The following EFL1 variants were observed in gnomAD, a reference collection of about 807,000 sequenced individuals.
EFL1 encodes elongation factor like GTPase 1, also known as elongation factor-like GTPase 1.
A neutral mutation model predicts 126.7 loss-of-function variants in EFL1; 76 were observed. The ratio of observed to expected loss-of-function variants is 0.60; its 90% CI spans 0.50 to 0.73. The LOEUF (loss-of-function observed/expected upper bound fraction) is 0.73, where lower values mean the gene tolerates loss of function less well. EFL1 is among the 30% of genes least tolerant of loss of function. EFL1 has a pLI of 0.00. For synonymous variants in EFL1, 410 were observed against 448.4 expected (o/e 0.91, Z 1.08); for missense variants, 1,128 against 1,343.2 (o/e 0.84, Z 2.50).
chr15:82,180,370 A>C (rs199931224), intron 15 of EFL1, among the ~76,000 whole-genome samples: 6 of 102,762 alleles, frequency 5.8e-5, no homozygotes, highest in African/African-American at 3.6e-4. Context: ...AAAAAAAAAA[A>C]AACAAAAAAA....
chr15:82,140,679 T>C (rs1293868975), intron 18 of EFL1, among the ~76,000 whole-genome samples: 1 of 152,224 alleles, frequency 6.6e-6, no homozygotes, highest in Non-Finnish European at 1.5e-5. Flanking sequence ...ATCTCTGCTG[T>C]GGAAGCCAAC....
At chr15:82,250,146 A>G (rs2075008304) in intron 4 of EFL1, among the ~76,000 whole-genome samples, 1 of 146,290 alleles carries the variant, frequency 6.8e-6, no homozygotes, top group Non-Finnish European at 1.5e-5. Context: ...TCCCACCTTC[A>G]GAACAGGAAA....
At chr15:82,178,212 G>A (rs982968422) in intron 15 of EFL1, among the ~76,000 whole-genome samples, 6 of 152,200 alleles carry the variant, frequency 3.9e-5, no homozygotes, top group Admixed American at 6.5e-5. Flanking sequence ...ACAGACTAAT[G>A]TAAACAATTT....
intron 15 of EFL1, among the ~76,000 whole-genome samples, chr15:82,213,451 ACCTCAAT>A (rs1207447451): frequency 6.6e-6 from 1 of 152,202 alleles, no homozygotes; most frequent in Non-Finnish European, 1.5e-5. Flanking sequence ...ACACCACTTA[ACCTCAAT>A]CCTGGAAGGC....
chr15:82,143,007 C>A (rs1199713865), intron 18 of EFL1, among the ~76,000 whole-genome samples: 1 of 152,100 alleles, frequency 6.6e-6, no homozygotes, highest in Non-Finnish European at 1.5e-5. Context: ...TTTTCTTCTT[C>A]CATAATATTA....
chr15:82,172,510 G>GA (rs1370275667), intron 15 of EFL1, among the ~76,000 whole-genome samples: 2 of 152,190 alleles, frequency 1.3e-5, no homozygotes, highest in Non-Finnish European at 2.9e-5. Context: ...TCCCGTACAA[G>GA]AATTACCCTC....
Position 82,227,549 on chromosome 15 carries a change from TAGG to T in EFL1, c.1090_1092del (p.Pro364del). ...CTCTCAGCTGTAATATCAAGGGGAC[TAGG>T]AAGTTTCTGACACACCATAGCTGAA... On this transcript the variant is annotated inframe_deletion, in exon 11 of 20. Transcript: ENST00000268206. 1 of 1,614,152 alleles carries T rather than the reference TAGG, an allele frequency of 6.2e-7. No individual in the cohort carries two copies. The highest frequency in any genetic ancestry group is 2.2e-5 in the East Asian group (1 of 44,882).
rs115071328 is a variant in EFL1, at chr15:82,238,121, A to G, written c.731+186T>C. 6.5e-3 allele frequency among the ~76,000 whole-genome samples: 983 copies of G among 152,278 alleles called. 10 individuals are homozygous for G. Among genetic ancestry groups the G allele is most frequent in the African/African-American group, 0.022 (919 of 41,556 alleles). On this transcript the variant is annotated intron_variant, in intron 7 of 19. Coordinates refer to ENST00000268206, the MANE Select transcript of EFL1 (RefSeq NM_024580.6). Reference sequence around the variant, plus strand: ...CAAAGTCCTGCTTGGTTATTGTACTACAGTTCTACAAGATGTTATCATGGA... The same window carrying G: ...CAAAGTCCTGCTTGGTTATTGTACTGCAGTTCTACAAGATGTTATCATGGA...
At chr15:82,132,271 G>A (rs117907367) in intron 19 of EFL1, among the ~76,000 whole-genome samples, 1 of 152,320 alleles carries the variant, frequency 6.6e-6, no homozygotes, top group Non-Finnish European at 1.5e-5. Flanking sequence ...GCCAGATCTA[G>A]AGAAGAACAT....
chr15:82,188,294 T>C (rs1390241373), intron 15 of EFL1, among the ~76,000 whole-genome samples: 1 of 152,196 alleles, frequency 6.6e-6, no homozygotes, highest in Non-Finnish European at 1.5e-5. Context: ...GTTAAGTTCC[T>C]TCACATTTAC....
Position 82,238,343 on chromosome 15 carries a change from A to T in EFL1, c.695T>A (p.Val232Glu). 2 of 1,614,192 alleles carry T rather than the reference A, an allele frequency of 1.2e-6. No homozygotes were observed. Among genetic ancestry groups the T allele is most frequent in the Non-Finnish European group, 1.7e-6 (2 of 1,180,014 alleles). Residue 232 changes from valine to glutamate, a missense_variant, in exon 7 of 20, where the codon GTG becomes GAG. This residue lies in a region of EFL1 where 316 missense variants were observed against 318.5 expected (regional missense o/e 0.99). Transcript: ENST00000268206. ...HLYFSPEQGN[V>E]VFTSAIDGWG... ...CCCATCTATTGCACTGGTAAACACCACATTTCCCTGTTCTGGAGAGAAGTA... is the reference window on the plus strand; with the variant it reads ...CCCATCTATTGCACTGGTAAACACCTCATTTCCCTGTTCTGGAGAGAAGTA...
intron 15 of EFL1, among the ~76,000 whole-genome samples, chr15:82,184,523 G>A (rs527599025): frequency 3.0e-4 from 45 of 152,292 alleles, no homozygotes; most frequent in Middle Eastern, 6.8e-3. Context: ...TTCTACTACC[G>A]CATAAGTCAC....
At chr15:82,174,288 G>A (rs1362992580) in intron 15 of EFL1, 4 of 152,070 alleles carry the variant, frequency 2.6e-5, no homozygotes. Context: ...CCACATTTGG[G>A]GAAATCGCAG....
Position 82,227,528 on chromosome 15 carries a change from C to G in EFL1, c.1114G>C (p.Glu372Gln). The G allele has an allele frequency of 6.2e-7, 1 of 1,614,162 alleles. No homozygotes were observed. Among genetic ancestry groups the G allele is most frequent in the East Asian group, 2.2e-5 (1 of 44,884 alleles). Reference protein sequence around the residue: ...KLPSPLDITAERVERLMCTGS... With the variant: ...KLPSPLDITAQRVERLMCTGS... ...GTGCACATCAGTCTCTCCACTCTCT[C>G]AGCTGTAATATCAAGGGGACTAGGA... The change falls in exon 11 of 20, where the codon GAG (glutamate) becomes CAG (glutamine). Residue 372 changes from glutamate (E) to glutamine (Q), a missense_variant. By Grantham distance (29) the Glu-to-Gln change is conservative. Around this residue, in one of 6 missense-constraint regions of EFL1, gnomAD observed 316 missense variants for 318.5 expected, o/e 0.99. Transcript: ENST00000268206.
At chr15:82,218,121 A>C (rs2074670456) in intron 14 of EFL1, among the ~76,000 whole-genome samples, 1 of 152,180 alleles carries the variant, frequency 6.6e-6, no homozygotes, top group South Asian at 2.1e-4. Flanking sequence ...GTGAGACCCT[A>C]AGGAGAAGAT....
chr15:82,189,309 C>G (rs1038056876), intron 15 of EFL1, among the ~76,000 whole-genome samples: 1 of 152,074 alleles, frequency 6.6e-6, no homozygotes, highest in Admixed American at 6.6e-5. Flanking sequence ...ATTTACTGAG[C>G]AAGTATCATA....
chr15:82,162,622 T>C (rs1350570985), intron 16 of EFL1, among the ~76,000 whole-genome samples: 1 of 152,190 alleles, frequency 6.6e-6, no homozygotes, highest in Non-Finnish European at 1.5e-5. Flanking sequence ...ACCAAGGCAC[T>C]GTGTCAGTCC....
At position 82,205,024 on chromosome 15, in the gene EFL1, C is replaced by A. The variant is rs140363811; in HGVS notation, c.1750+9693G>T. Among the ~76,000 whole-genome samples the A allele has an allele frequency of 8.0e-3, 1,225 of 152,338 alleles. 14 individuals carry two copies. The highest frequency in any genetic ancestry group is 0.028 in the African/African-American group (1,149 of 41,576). ...ATGAAGAAAACTGCAACAAGCCTAT[C>A]AGCTGAGTTTGCAGGAGGTGGCTCT... On this transcript the variant is annotated intron_variant, in intron 15 of 19. Transcript: ENST00000268206.
chr15:82,139,732 TTA>T (rs2141214311), intron 18 of EFL1, among the ~76,000 whole-genome samples: 1 of 152,336 alleles, frequency 6.6e-6, no homozygotes, highest in South Asian at 2.1e-4. Flanking sequence ...AAAAATAATT[TTA>T]GTTACATAAG....
Sources: allele counts gnomAD v4.1 joint callset (sites outside exome capture counted in the v4.1 genomes callset), GRCh38; gene constraint gnomAD v4.1.1; regional missense constraint gnomAD v4.1.1; transcripts MANE v1.5; gene names NCBI Gene and HGNC (gene_info 2026-07-23, HGNC 2026-07-21).